Variants in CACNA2D3 observed in about 807,000 individuals in gnomAD.
The protein encoded by CACNA2D3 is voltage-dependent calcium channel subunit alpha-2/delta-3.
CACNA2D3 carries 60 observed loss-of-function variants against 160.6 expected under a neutral mutation model. That is an observed-to-expected ratio of 0.37 (90% confidence interval 0.30 to 0.46). The LOEUF is 0.46. Among genes scored for constraint, CACNA2D3 ranks in the 20% least tolerant of loss-of-function variants. The probability of loss-of-function intolerance (pLI) is 1.00; values close to 1 mark genes in which losing one functional copy is unlikely to be tolerated. For missense variants in CACNA2D3, 1,205 were observed against 1,365.0 expected (o/e 0.88, Z 1.85); for synonymous variants, 558 against 492.9 (o/e 1.13, Z -1.75).
intron 2 of CACNA2D3, among the ~76,000 whole-genome samples, chr3:54,195,193 C>T (rs1372006445): frequency 6.6e-5 from 10 of 151,426 alleles, no homozygotes; most frequent in African/African-American, 2.2e-4. Flanking sequence ...AGGAATCAGC[C>T]GTCTGGCCGT....
chr3:54,376,514 G>A (rs1466220696), intron 3 of CACNA2D3, among the ~76,000 whole-genome samples: 1 of 152,138 alleles, frequency 6.6e-6, no homozygotes, highest in Non-Finnish European at 1.5e-5. Flanking sequence ...AGGACAGCTT[G>A]GCACATAGGT....
At chr3:54,610,492 G>C (rs1029811039) in intron 9 of CACNA2D3, among the ~76,000 whole-genome samples, 1 of 151,586 alleles carries the variant, frequency 6.6e-6, no homozygotes, top group Admixed American at 6.6e-5. Flanking sequence ...GACTGATTCA[G>C]TGGGAGCTGG....
At chr3:54,304,999 T>G (rs1290209662) in intron 2 of CACNA2D3, among the ~76,000 whole-genome samples, 1 of 152,188 alleles carries the variant, frequency 6.6e-6, no homozygotes, top group East Asian at 1.9e-4. Flanking sequence ...CATGAGCAGA[T>G]TTCTGTGACA....
At chr3:54,656,082 G>A (rs749472372) in intron 11 of CACNA2D3, among the ~76,000 whole-genome samples, 3 of 152,122 alleles carry the variant, frequency 2.0e-5, no homozygotes, top group Non-Finnish European at 4.4e-5. Flanking sequence ...GTGAACATTA[G>A]CAATGGAGAA....
intron 2 of CACNA2D3, among the ~76,000 whole-genome samples, chr3:54,212,608 C>A (rs986373121): frequency 6.6e-6 from 1 of 151,992 alleles, no homozygotes; most frequent in Admixed American, 6.6e-5. Flanking sequence ...TTCCTGAATT[C>A]CAAAAGGGAG....
intron 2 of CACNA2D3, among the ~76,000 whole-genome samples, chr3:54,261,318 T>TTTTATTTTTTGGCACCCAGA (rs1483187062): frequency 2.6e-5 from 4 of 152,152 alleles, no homozygotes; most frequent in African/African-American, 9.7e-5. Flanking sequence ...TGGTGTCCAG[T>TTTTATTTTTTGGCACCCAGA]TTTATTTTTT....
chr3:54,309,087 TG>T (rs1703672967), intron 2 of CACNA2D3, among the ~76,000 whole-genome samples: 1 of 152,254 alleles, frequency 6.6e-6, no homozygotes, highest in African/African-American at 2.4e-5. Flanking sequence ...TGAGGATGTA[TG>T]TATAGCGTAA....
chr3:54,472,478 A>G (rs1310406044), intron 4 of CACNA2D3, among the ~76,000 whole-genome samples: 1 of 150,846 alleles, frequency 6.6e-6, no homozygotes, highest in African/African-American at 2.4e-5. Flanking sequence ...CCCTTTGAAA[A>G]CCAACACAAC....
intron 12 of CACNA2D3, among the ~76,000 whole-genome samples, chr3:54,763,093 A>G (rs1027739443): frequency 2.2e-5 from 3 of 139,434 alleles, no homozygotes; most frequent in Non-Finnish European, 4.8e-5. Flanking sequence ...ATCTCAAAAA[A>G]AAAAAAAAAG....
At chr3:54,462,474 A>G (rs1232837297) in intron 4 of CACNA2D3, among the ~76,000 whole-genome samples, 3 of 152,156 alleles carry the variant, frequency 2.0e-5, no homozygotes, top group African/African-American at 7.2e-5. Flanking sequence ...TTGGGGGCAT[A>G]TATATTTAGG....
At chr3:54,896,188 C>T (rs993017976) in intron 25 of CACNA2D3, among the ~76,000 whole-genome samples, 15 of 152,046 alleles carry the variant, frequency 9.9e-5, no homozygotes, top group African/African-American at 3.4e-4. Flanking sequence ...CAGTGGAGGG[C>T]GGGGATGCAC....
At chr3:54,793,772 A>G (rs1018194213) in intron 13 of CACNA2D3, among the ~76,000 whole-genome samples, 2 of 152,014 alleles carry the variant, frequency 1.3e-5, no homozygotes, top group African/African-American at 4.8e-5. Context: ...TTCCTTCTTT[A>G]TTTTCTAAAA....
intron 35 of CACNA2D3, among the ~76,000 whole-genome samples, chr3:55,022,613 TC>T (rs1703483627): frequency 7.4e-6 from 1 of 135,822 alleles, no homozygotes; most frequent in African/African-American, 2.6e-5. Context: ...TTTCCTTCCC[TC>T]CCTCCCTCCC....
chr3:54,137,090 T>C (rs1699827187), intron 2 of CACNA2D3, among the ~76,000 whole-genome samples: 1 of 152,192 alleles, frequency 6.6e-6, no homozygotes. Context: ...GCGTGGAGGC[T>C]GTGTTGTCCT....
intron 11 of CACNA2D3, among the ~76,000 whole-genome samples, chr3:54,719,196 C>G (rs146268641): frequency 6.7e-6 from 1 of 149,184 alleles, no homozygotes; most frequent in East Asian, 1.9e-4. Context: ...GTTACACCAC[C>G]AGTACAATGT....
intron 4 of CACNA2D3, among the ~76,000 whole-genome samples, chr3:54,434,005 G>A (rs539980858): frequency 3.9e-5 from 6 of 152,134 alleles, no homozygotes; most frequent in South Asian, 2.1e-4. Context: ...GGAGCTAATC[G>A]TTCCTTGCCT....
At chr3:54,541,254 G>T (rs1325456770) in intron 5 of CACNA2D3, among the ~76,000 whole-genome samples, 6 of 138,290 alleles carry the variant, frequency 4.3e-5, no homozygotes, top group African/African-American at 1.6e-4. Context: ...TCCAGCCTGG[G>T]CAACAGAGCA....
At chr3:54,287,703 G>T (rs1451311469) in intron 2 of CACNA2D3, among the ~76,000 whole-genome samples, 1 of 145,364 alleles carries the variant, frequency 6.9e-6, no homozygotes, top group Non-Finnish European at 1.5e-5. Context: ...AAATGTAAAA[G>T]AACAGAGATT....
chr3:54,829,110 A>T (rs2106741115), intron 14 of CACNA2D3, among the ~76,000 whole-genome samples: 1 of 152,360 alleles, frequency 6.6e-6, no homozygotes, highest in South Asian at 2.1e-4. Context: ...AGCCAGAGTC[A>T]GATGATGTTA....
Sources: allele counts gnomAD v4.1 joint callset (sites outside exome capture counted in the v4.1 genomes callset), GRCh38; gene constraint gnomAD v4.1.1; transcripts MANE v1.5; gene names NCBI Gene and HGNC (gene_info 2026-07-23, HGNC 2026-07-21).